HIP1: variants seen among roughly 807,000 people sequenced by gnomAD.
HIP1 encodes huntingtin interacting protein 1, also known as huntingtin-interacting protein 1.
HIP1 carries 65 observed loss-of-function variants against 147.6 expected under a neutral mutation model. That is an observed-to-expected ratio of 0.44 (90% CI 0.36 to 0.54). The LOEUF is 0.54. HIP1 is among the 20% of genes least tolerant of loss of function. HIP1 has a pLI of 0.00. For synonymous variants in HIP1, 479 were observed against 504.0 expected, an observed-to-expected ratio of 0.95 and a Z score of 0.67; for missense variants, 1,061 against 1,299.6, an observed-to-expected ratio of 0.82 and a Z score of 2.82.
chr7:75,558,871 C>T (rs1554493944), intron 14 of HIP1, among the ~76,000 whole-genome samples: 1 of 152,014 alleles, frequency 6.6e-6, no homozygotes. Context: ...ATACAAAAAT[C>T]AGCTGGACAT....
chr7:75,655,153 A>G (rs561096886), intron 1 of HIP1, among the ~76,000 whole-genome samples: 3 of 152,376 alleles, frequency 2.0e-5, no homozygotes, highest in African/African-American at 7.2e-5. Context: ...CCAGGTGTCC[A>G]TCAACAGACG....
chr7:75,544,729 G>T lies in HIP1; in HGVS notation c.2732C>A (p.Ala911Asp), dbSNP rs1426243102. 1.9e-6 allele frequency: 3 copies of T among 1,613,440 alleles called. No homozygotes were observed. The highest frequency in any genetic ancestry group is 2.5e-6 in the Non-Finnish European group (3 of 1,179,334). Residue 911 changes from alanine (A) to aspartate (D), a missense_variant, in exon 27 of 31, where the codon GCT (alanine) becomes GAT (aspartate). Physicochemically the swap from Ala to Asp is moderately radical, Grantham distance 126 (BLOSUM62 -2). Around this residue, in one of 3 missense-constraint regions of HIP1, gnomAD observed 810 missense variants for 946.8 expected, o/e 0.86. Coordinates refer to ENST00000336926, the MANE Select transcript of HIP1 (RefSeq NM_005338.7). ...AGCCACAAGCTGGGCTGTGCTAGCA[G>T]CAATTTCATGAGAACACACCATTAG... The part of the protein sequence containing the change: ...EELMVCSHEI[A>D]ASTAQLVAAS...
chr7:75,538,236 T>G lies in HIP1; in HGVS notation c.3062-12A>C. 2 of 1,610,014 alleles carry G rather than the reference T, an allele frequency of 1.2e-6. No individual in the cohort carries two copies. Among genetic ancestry groups the G allele is most frequent in the Non-Finnish European group, 1.7e-6 (2 of 1,176,338 alleles). On this transcript the variant is annotated splice_polypyrimidine_tract_variant and intron_variant, in intron 30 of 30. Coordinates refer to ENST00000336926, the MANE Select transcript of HIP1 (RefSeq NM_005338.7). ...AGATGCCTCTGTTCCTAAAAGACAA[T>G]GATAATTTATGTTGCAAAGCACTCA...
intron 1 of HIP1, among the ~76,000 whole-genome samples, chr7:75,619,172 C>T (rs1797761359): frequency 6.6e-6 from 1 of 152,106 alleles, no homozygotes; most frequent in Non-Finnish European, 1.5e-5. Context: ...ACTGTTAATT[C>T]AGGTGATGTT....
chr7:75,664,159 T>C lies in HIP1; in HGVS notation c.121-64912A>G, dbSNP rs535662146. ...GTGTACATACATACATGTATGTGTG[T>C]ATATTTACATACATATATGTACATA... On this transcript the variant is annotated intron_variant, in intron 1 of 30. Transcript: ENST00000336926. Among the ~76,000 whole-genome samples the C allele has an allele frequency of 3.1e-4, 16 of 52,398 alleles. 4 individuals are homozygous for C. Among genetic ancestry groups the C allele is most frequent in the African/African-American group, 1.8e-3 (16 of 8,974 alleles). The allele number at this position is 52,398 out of a possible 152,430, so 34.4% of individuals were successfully genotyped here. A position where few individuals can be genotyped will look rare whatever the true frequency, so the allele number is the denominator to read the frequency against.
At chr7:75,609,141 C>G (rs1797333667) in intron 1 of HIP1, among the ~76,000 whole-genome samples, 1 of 152,182 alleles carries the variant, frequency 6.6e-6, no homozygotes. Flanking sequence ...CTGAGCTTGC[C>G]AGGACTGTCC....
intron 1 of HIP1, among the ~76,000 whole-genome samples, chr7:75,663,984 GTATATATATACACATATATGTGTATATA>G (rs1563278140): frequency 1.3e-4 from 1 of 7,782 alleles, no homozygotes. Flanking sequence ...ACATATATGT[GTATATATATACACATATATGTGTATATA>G]TATACACATA....
At chr7:75,609,685 G>A (rs1554504472) in intron 1 of HIP1, among the ~76,000 whole-genome samples, 1 of 151,914 alleles carries the variant, frequency 6.6e-6, no homozygotes, top group African/African-American at 2.4e-5. Flanking sequence ...AGTCTCCTGA[G>A]TAGCTGGGAC....
chr7:75,709,627 C>T (rs1232233745), intron 1 of HIP1, among the ~76,000 whole-genome samples: 2 of 152,182 alleles, frequency 1.3e-5, no homozygotes, highest in African/African-American at 4.8e-5. Flanking sequence ...TCATCAGCTA[C>T]AGAGATAATT....
intron 1 of HIP1, among the ~76,000 whole-genome samples, chr7:75,708,313 G>A (rs1294818498): frequency 6.6e-6 from 1 of 152,094 alleles, no homozygotes; most frequent in African/African-American, 2.4e-5. Context: ...CTTTTTTAAT[G>A]TTGATAGTGT....
intron 14 of HIP1, among the ~76,000 whole-genome samples, chr7:75,559,040 A>T (rs1213766689): frequency 6.6e-6 from 1 of 152,170 alleles, no homozygotes; most frequent in Non-Finnish European, 1.5e-5. Flanking sequence ...ACAAATAAAT[A>T]ATCAAGCCAG....
chr7:75,592,165 A>C, intron 3 of HIP1, 53 bp from the exon 4 acceptor site: 2 of 1,556,486 alleles, frequency 1.3e-6, no homozygotes, highest in Non-Finnish European at 1.8e-6. Context: ...AAGAAAGACA[A>C]AGGGAAGGAG....
chr7:75,666,822 G>A (rs554369824), intron 1 of HIP1, among the ~76,000 whole-genome samples: 1 of 152,132 alleles, frequency 6.6e-6, no homozygotes, highest in South Asian at 2.1e-4. Context: ...TAATTTACAA[G>A]GGCACACACA....
At chr7:75,728,803 A>AC (rs1554522650) in intron 1 of HIP1, among the ~76,000 whole-genome samples, 1 of 151,322 alleles carries the variant, frequency 6.6e-6, no homozygotes, top group East Asian at 1.9e-4. Context: ...AAAAAAAAAA[A>AC]AAAAAAGGAC....
intron 1 of HIP1, among the ~76,000 whole-genome samples, chr7:75,619,693 T>C (rs1464174332): frequency 6.6e-6 from 1 of 152,148 alleles, no homozygotes. Flanking sequence ...ATTAGGAGAT[T>C]ATTATTCATT....
intron 1 of HIP1, among the ~76,000 whole-genome samples, chr7:75,674,243 A>G (rs1373326363): frequency 6.6e-6 from 1 of 152,198 alleles, no homozygotes; most frequent in Admixed American, 6.6e-5. Flanking sequence ...AATCTTGAAT[A>G]TAAGTGGTAA....
At chr7:75,585,152 A>G (rs587763293) in intron 5 of HIP1, among the ~76,000 whole-genome samples, 5 of 146,370 alleles carry the variant, frequency 3.4e-5, no homozygotes, top group South Asian at 4.3e-4. Context: ...ATCCAGCTCA[A>G]TTTAACACTT....
At chr7:75,655,327 C>A (rs1289626321) in intron 1 of HIP1, among the ~76,000 whole-genome samples, 2 of 151,960 alleles carry the variant, frequency 1.3e-5, no homozygotes, top group Non-Finnish European at 2.9e-5. Context: ...GCCTGTAATC[C>A]CAGCACTTTG....
chr7:75,619,385 T>G (rs1797767677), intron 1 of HIP1, among the ~76,000 whole-genome samples: 1 of 151,542 alleles, frequency 6.6e-6, no homozygotes, highest in Non-Finnish European at 1.5e-5. Flanking sequence ...TAGCCAGGTG[T>G]GGTGGCGTGT....
Sources: allele counts gnomAD v4.1 joint callset (sites outside exome capture counted in the v4.1 genomes callset), GRCh38; gene constraint gnomAD v4.1.1; regional missense constraint gnomAD v4.1.1; transcripts MANE v1.5; gene names NCBI Gene and HGNC (gene_info 2026-07-23, HGNC 2026-07-21).